The following ZNF804A variants were observed in gnomAD, a reference collection of about 807,000 sequenced individuals.
The protein encoded by ZNF804A is zinc finger protein 804A.
In ZNF804A, 2 loss-of-function variants were observed where a neutral mutation model predicts 16.5. The ratio of observed to expected loss-of-function variants is 0.12; its 90% CI spans 0.05 to 0.38. The LOEUF is 0.38. Among genes scored for constraint, ZNF804A ranks in the 10% least tolerant of loss-of-function variants. The probability of loss-of-function intolerance (pLI) is 0.99; values close to 1 mark genes in which losing one functional copy is unlikely to be tolerated. For synonymous variants in ZNF804A, 534 were observed against 489.6 expected (o/e 1.09, Z -1.20); for missense variants, 1,473 against 1,390.7 (o/e 1.06, Z -0.94).
chr2:184,758,394 T>A (rs1044972814), intron 1 of ZNF804A, among the ~76,000 whole-genome samples: 2 of 151,910 alleles, frequency 1.3e-5, no homozygotes, highest in African/African-American at 4.8e-5. Flanking sequence ...CTACTTTAGG[T>A]GTTTTACATG....
chr2:184,711,365 G>A (rs1479823866), intron 1 of ZNF804A, among the ~76,000 whole-genome samples: 2 of 151,336 alleles, frequency 1.3e-5, no homozygotes, highest in Non-Finnish European at 3.0e-5. Flanking sequence ...TTGCTTTTTT[G>A]TTATCAAGTT....
chr2:184,849,984 A>G (rs1695577099), intron 1 of ZNF804A, among the ~76,000 whole-genome samples: 1 of 152,058 alleles, frequency 6.6e-6, no homozygotes, highest in Non-Finnish European at 1.5e-5. Flanking sequence ...GAAATTGTGT[A>G]TGTTCTCACT....
intron 1 of ZNF804A, among the ~76,000 whole-genome samples, chr2:184,828,399 A>G (rs1235059690): frequency 6.6e-6 from 1 of 151,806 alleles, no homozygotes; most frequent in Non-Finnish European, 1.5e-5. Flanking sequence ...ATTCTATTTT[A>G]TATTGTCTCC....
chr2:184,739,866 A>G (rs1308630217), intron 1 of ZNF804A, among the ~76,000 whole-genome samples: 2 of 152,188 alleles, frequency 1.3e-5, no homozygotes, highest in African/African-American at 4.8e-5. Context: ...TAATCAAATA[A>G]TTGAAAACTG....
At chr2:184,825,691 A>C (rs914596834) in intron 1 of ZNF804A, among the ~76,000 whole-genome samples, 5 of 152,090 alleles carry the variant, frequency 3.3e-5, no homozygotes, top group African/African-American at 1.2e-4. Context: ...GGAATGTTCA[A>C]ACATACAAAG....
intron 1 of ZNF804A, among the ~76,000 whole-genome samples, chr2:184,634,751 C>G (rs1425157411): frequency 6.6e-6 from 1 of 152,134 alleles, no homozygotes; most frequent in Non-Finnish European, 1.5e-5. Context: ...AAACCTGTTT[C>G]CAACCTTTGA....
In ZNF804A at chr2:184,938,346, A is replaced by G. The variant is rs772518944; in HGVS notation, c.2950A>G (p.Met984Val). The G allele has an allele frequency of 1.2e-6, 2 of 1,614,170 alleles. No homozygotes were observed. Among genetic ancestry groups the G allele is most frequent in the Non-Finnish European group, 1.7e-6 (2 of 1,180,028 alleles). ...GGCTGAGGCCCTTCCACAAGGAAAGATGAATGAGACACCAACTGAGTGGCT... is the reference window on the plus strand; with the variant it reads ...GGCTGAGGCCCTTCCACAAGGAAAGGTGAATGAGACACCAACTGAGTGGCT... ...ELAEALPQGK[M>V]NETPTEWLRY... The change falls in exon 4 of 4, where the codon ATG becomes GTG. Residue 984 changes from methionine to valine, a missense_variant. By Grantham distance (21) the Met-to-Val change is conservative. Transcript: ENST00000302277.
At chr2:184,770,283 C>A (rs904362097) in intron 1 of ZNF804A, among the ~76,000 whole-genome samples, 2 of 152,024 alleles carry the variant, frequency 1.3e-5, no homozygotes, top group Non-Finnish European at 2.9e-5. Context: ...CTTTTCCAAC[C>A]CAAACTGCCC....
At chr2:184,897,655 A>C (rs1283938831) in intron 2 of ZNF804A, among the ~76,000 whole-genome samples, 1 of 152,106 alleles carries the variant, frequency 6.6e-6, no homozygotes, top group African/African-American at 2.4e-5. Context: ...TCATTAATTT[A>C]TATTAGCATA....
chr2:184,850,153 A>G (rs2105803696), intron 1 of ZNF804A, among the ~76,000 whole-genome samples: 1 of 151,978 alleles, frequency 6.6e-6, no homozygotes, highest in Non-Finnish European at 1.5e-5. Flanking sequence ...CTAACATTTG[A>G]TAGCACAACA....
At chr2:184,851,312 A>G (rs908336734) in intron 1 of ZNF804A, among the ~76,000 whole-genome samples, 5 of 151,688 alleles carry the variant, frequency 3.3e-5, no homozygotes, top group African/African-American at 9.7e-5. Flanking sequence ...GAAATTTTGT[A>G]TTATTTGACG....
At chr2:184,842,845 C>T (rs1695458195) in intron 1 of ZNF804A, among the ~76,000 whole-genome samples, 1 of 152,066 alleles carries the variant, frequency 6.6e-6, no homozygotes, top group Non-Finnish European at 1.5e-5. Context: ...TTTCCAGGAT[C>T]ATCGACAAAC....
intron 1 of ZNF804A, among the ~76,000 whole-genome samples, chr2:184,815,699 C>G (rs1397679571): frequency 6.6e-6 from 1 of 151,520 alleles, no homozygotes; most frequent in Non-Finnish European, 1.5e-5. Context: ...AAATTTTTTC[C>G]TGGATAGAAT....
At chr2:184,611,136 G>C (rs1691231397) in intron 1 of ZNF804A, among the ~76,000 whole-genome samples, 1 of 152,122 alleles carries the variant, frequency 6.6e-6, no homozygotes, top group African/African-American at 2.4e-5. Context: ...CCATATGGGG[G>C]AAGTGGGCAA....
chr2:184,764,519 T>C (rs1694087183), intron 1 of ZNF804A, among the ~76,000 whole-genome samples: 2 of 152,196 alleles, frequency 1.3e-5, no homozygotes, highest in South Asian at 4.1e-4. Flanking sequence ...TATGAAATTG[T>C]CCATCAACTG....
intron 1 of ZNF804A, among the ~76,000 whole-genome samples, chr2:184,859,955 C>G (rs574452049): frequency 6.6e-6 from 1 of 152,256 alleles, no homozygotes; most frequent in Non-Finnish European, 1.5e-5. Flanking sequence ...GGCTGGCTAC[C>G]CACTAGGAAG....
chr2:184,612,449 T>TTG (rs397934359), intron 1 of ZNF804A, among the ~76,000 whole-genome samples: 7 of 148,672 alleles, frequency 4.7e-5, no homozygotes, highest in Non-Finnish European at 9.0e-5. Flanking sequence ...TTTTTTTTTT[T>TTG]GGGGGGGGGA....
chr2:184,915,668 G>T (rs1685437887), intron 2 of ZNF804A, among the ~76,000 whole-genome samples: 2 of 152,100 alleles, frequency 1.3e-5, no homozygotes, highest in South Asian at 4.1e-4. Context: ...AACATGCACA[G>T]ATTGCAAAGA....
intron 1 of ZNF804A, among the ~76,000 whole-genome samples, chr2:184,816,515 G>T (rs1321422421): frequency 6.6e-6 from 1 of 151,912 alleles, no homozygotes; most frequent in Non-Finnish European, 1.5e-5. Context: ...CCCTTTCTGG[G>T]TATTTATTTT....
Sources: gnomAD v4.1 joint callset for allele counts (sites outside exome capture counted in the v4.1 genomes callset) on GRCh38, gnomAD v4.1.1 for gene constraint, MANE v1.5 for transcripts, NCBI Gene and HGNC (gene_info 2026-07-23, HGNC 2026-07-21) for gene names.